The following DIS3L2 variants were observed in gnomAD, a reference collection of about 807,000 sequenced individuals.
DIS3L2 encodes DIS3-like exonuclease 2.
In DIS3L2, 34 loss-of-function variants were observed where a neutral mutation model predicts 97.5. The ratio of observed to expected loss-of-function variants is 0.35; its 90% confidence interval spans 0.27 to 0.46. The LOEUF (loss-of-function observed/expected upper bound fraction) is 0.46. DIS3L2 is among the 20% of genes least tolerant of loss of function. DIS3L2 has a pLI of 1.00. For missense variants in DIS3L2, 1,038 were observed against 1,146.0 expected (o/e 0.91, Z 1.36); for synonymous variants, 435 against 445.2 (o/e 0.98, Z 0.29).
intron 9 of DIS3L2, among the ~76,000 whole-genome samples, chr2:232,181,702 G>A (rs888080721): frequency 6.6e-6 from 1 of 151,896 alleles, no homozygotes; most frequent in East Asian, 1.9e-4. Context: ...GCAGTGGTGC[G>A]ATCTCAGCTC....
rs181573481 is a variant in DIS3L2 at position 232,029,900 on chromosome 2, A to C, written c.265-79A>C. Reference sequence around the variant, plus strand: ...AGAATAACTTGCTGTTTTCTATTTCAGTTATGAAAGCAGGCAATCTGTTTT... The same window carrying C: ...AGAATAACTTGCTGTTTTCTATTTCCGTTATGAAAGCAGGCAATCTGTTTT... On this transcript the variant is annotated intron_variant, in intron 4 of 20. Coordinates refer to ENST00000325385, the MANE Select transcript of DIS3L2 (RefSeq NM_152383.5). 630 of 1,009,176 alleles carry C rather than the reference A, an allele frequency of 6.2e-4. 8 individuals carry two copies. In the African/African-American group the frequency reaches 9.9e-3, roughly 16 times the overall value. The allele number at this position is 1,009,176 out of a possible 1,614,324, so 62.5% of individuals were successfully genotyped here.
chr2:232,149,358 C>G (rs1347202024), intron 8 of DIS3L2, among the ~76,000 whole-genome samples: 2 of 109,576 alleles, frequency 1.8e-5, no homozygotes, highest in Non-Finnish European at 3.7e-5. Flanking sequence ...TCCCCCGACC[C>G]CACCACAGTC....
intron 1 of DIS3L2, among the ~76,000 whole-genome samples, chr2:231,970,008 T>C (rs1004437100): frequency 2.6e-5 from 4 of 152,104 alleles, no homozygotes; most frequent in African/African-American, 9.7e-5. Flanking sequence ...TGCAGTGGCA[T>C]GACTGTGGTT....
intron 8 of DIS3L2, among the ~76,000 whole-genome samples, chr2:232,140,625 A>G (rs1453108819): frequency 2.0e-5 from 3 of 152,248 alleles, no homozygotes; most frequent in Non-Finnish European, 4.4e-5. Flanking sequence ...AGGATTGAAT[A>G]GAATGCACAC....
chr2:232,343,308 G>A (rs567526888), intron 13 of DIS3L2: 32 of 1,533,102 alleles, frequency 2.1e-5, no homozygotes, highest in East Asian at 7.1e-5. Flanking sequence ...ACATGAAACC[G>A]CGCCTCCTCA....
chr2:232,261,453 T>C (rs971246793), intron 12 of DIS3L2, among the ~76,000 whole-genome samples: 1 of 152,178 alleles, frequency 6.6e-6, no homozygotes, highest in Admixed American at 6.5e-5. Flanking sequence ...TGCCCCCACC[T>C]ATCCTTAACC....
chr2:232,138,840 C>T (rs183614143), intron 8 of DIS3L2, among the ~76,000 whole-genome samples: 2 of 152,300 alleles, frequency 1.3e-5, no homozygotes, highest in East Asian at 3.9e-4. Context: ...TACCTCTCTC[C>T]TTAAAAGTAT....
At chr2:232,062,283 G>C (rs1695734181) in intron 5 of DIS3L2, among the ~76,000 whole-genome samples, 1 of 152,144 alleles carries the variant, frequency 6.6e-6, no homozygotes, top group South Asian at 2.1e-4. Context: ...GAAGCTCGAG[G>C]CTGGAATCTT....
chr2:232,136,734 G>T lies in DIS3L2; in HGVS notation c.950+15G>T, dbSNP rs2106355695. 1.9e-6 allele frequency: 3 copies of T among 1,611,020 alleles called. No individual in the cohort carries two copies. The South Asian group carries it at 3.3e-5, about 18-fold the overall frequency. The stretch of plus-strand genomic sequence containing the variant: ...TTTGCCCTGGGGTAGGTGATCTCTG[G>T]TAGGAAAAACCACAGGTCACAGGCA... On this transcript the variant is annotated intron_variant, in intron 8 of 20. Transcript: ENST00000325385.
At chr2:231,992,496 C>T (rs1445073797) in intron 1 of DIS3L2, among the ~76,000 whole-genome samples, 1 of 152,140 alleles carries the variant, frequency 6.6e-6, no homozygotes, top group Non-Finnish European at 1.5e-5. Context: ...AACAAAAAGG[C>T]AAACTGTCTT....
intron 6 of DIS3L2, among the ~76,000 whole-genome samples, chr2:232,125,332 T>G (rs2106345002): frequency 6.6e-6 from 1 of 152,342 alleles, no homozygotes; most frequent in South Asian, 2.1e-4. Flanking sequence ...TCCATCAATA[T>G]TCAGGATGCT....
intron 6 of DIS3L2, among the ~76,000 whole-genome samples, chr2:232,126,771 C>T (rs564240673): frequency 7.2e-5 from 11 of 152,290 alleles, no homozygotes; most frequent in African/African-American, 2.4e-4. Context: ...CCCACAGGGC[C>T]ATTCTACCAG....
intron 6 of DIS3L2, 105 bp downstream of exon 6, chr2:232,087,826 C>T (rs1017865855): frequency 2.3e-5 from 21 of 928,322 alleles, no homozygotes; most frequent in Middle Eastern, 2.2e-4. Flanking sequence ...TGATATAGTC[C>T]TAATTTTTGA....
At chr2:232,247,456 T>C (rs1693281554) in intron 11 of DIS3L2, among the ~76,000 whole-genome samples, 1 of 152,066 alleles carries the variant, frequency 6.6e-6, no homozygotes, top group South Asian at 2.1e-4. Flanking sequence ...TGCCTACTCA[T>C]GCAGAGAGAG....
chr2:232,190,436 T>C (rs989200941), intron 9 of DIS3L2, among the ~76,000 whole-genome samples: 2 of 152,188 alleles, frequency 1.3e-5, no homozygotes, highest in Non-Finnish European at 2.9e-5. Context: ...CGTCAGTAAC[T>C]ATAGACCAAG....
intron 6 of DIS3L2, among the ~76,000 whole-genome samples, chr2:232,109,313 C>T (rs1697453006): frequency 6.6e-6 from 1 of 152,090 alleles, no homozygotes; most frequent in Non-Finnish European, 1.5e-5. Flanking sequence ...CGGTGGCACA[C>T]ATCTGTAATC....
chr2:232,302,242 TG>T (rs1178617584), intron 14 of DIS3L2, among the ~76,000 whole-genome samples: 1 of 146,450 alleles, frequency 6.8e-6, no homozygotes, highest in Non-Finnish European at 1.5e-5. Flanking sequence ...TGTAGTGGAG[TG>T]GGGGGAGTGG....
At position 232,324,108 on chromosome 2, in the gene DIS3L2, A is replaced by G. The variant is rs192772824; in HGVS notation, c.1740-5705A>G. ...CAGCAGGTTCTACGTAAAGGTGGCC[A>G]TCACCTGCACCCCATGGGTTGCCCA... is the stretch of plus-strand genomic sequence containing the variant. On this transcript the variant is annotated intron_variant, in intron 14 of 20. Transcript: ENST00000325385. Among the ~76,000 whole-genome samples the G allele has an allele frequency of 1.8e-4, 27 of 152,240 alleles. No homozygotes were observed. In the East Asian group the frequency reaches 2.1e-3, roughly 12 times the overall value.
At chr2:232,235,373 C>G (rs1307426079) in intron 10 of DIS3L2, among the ~76,000 whole-genome samples, 1 of 152,144 alleles carries the variant, frequency 6.6e-6, no homozygotes, top group Non-Finnish European at 1.5e-5. Context: ...TCAGTGCCAC[C>G]ACCTCAAGAG....
Sources: allele counts gnomAD v4.1 joint callset (sites outside exome capture counted in the v4.1 genomes callset), GRCh38; gene constraint gnomAD v4.1.1; transcripts MANE v1.5; gene names NCBI Gene and HGNC (gene_info 2026-07-23, HGNC 2026-07-21).